Variants in UGT1A6 observed in about 807,000 individuals in gnomAD.
UGT1A6 encodes the protein UDP-glucuronosyltransferase 1A6.
A neutral mutation model predicts 44.4 loss-of-function variants in UGT1A6; 32 were observed. The ratio of observed to expected loss-of-function variants is 0.72; its 90% CI spans 0.54 to 0.97. The LOEUF is 0.97. Ranked by LOEUF, UGT1A6 falls within the 50% of genes least tolerant of loss-of-function variation. The pLI is 0.00. For missense variants in UGT1A6, 685 were observed against 661.9 expected, an observed-to-expected ratio of 1.03 and a Z score of -0.38; for synonymous variants, 238 against 248.5, an observed-to-expected ratio of 0.96 and a Z score of 0.40.
In UGT1A6 at chr2:233,692,935, A is replaced by C. The variant is rs2075120716; in HGVS notation, c.-70A>C. 6.3e-7 allele frequency: 1 copy of C among 1,587,686 alleles called. No individual in the cohort carries two copies. The highest frequency in any genetic ancestry group is 1.3e-5 in the African/African-American group (1 of 74,148). ...AAAAGCAGTGGTTAGTTTAGGGAAA[A>C]TACCTAGGAGCCCTGTGATTTGGAG... On this transcript the variant is annotated 5_prime_UTR_variant, in exon 1 of 5. Transcript: ENST00000305139.
At chr2:233,705,462 GAC>G (rs1373100771) in intron 1 of UGT1A6, among the ~76,000 whole-genome samples, 2 of 152,176 alleles carry the variant, frequency 1.3e-5, no homozygotes, top group African/African-American at 2.4e-5. Flanking sequence ...TTTTTTAGCA[GAC>G]ACACATGAGG....
chr2:233,757,798 G>T (rs1696723883), intron 1 of UGT1A6, among the ~76,000 whole-genome samples: 1 of 151,794 alleles, frequency 6.6e-6, no homozygotes, highest in Non-Finnish European at 1.5e-5. Flanking sequence ...TTGATGAAAG[G>T]AGATGAAAGG....
chr2:233,772,846 T>C lies in UGT1A6; in HGVS notation c.*287T>C, dbSNP rs1314535454. ...AGGCTGGCATTCTAGATTACTTTTCTTACTCTGAAACATGGCCTGTTTGGG... is the reference window on the plus strand; with the variant it reads ...AGGCTGGCATTCTAGATTACTTTTCCTACTCTGAAACATGGCCTGTTTGGG... On this transcript the variant is annotated 3_prime_UTR_variant, in exon 5 of 5. Transcript: ENST00000305139. 2 of 808,282 alleles carry C rather than the reference T, an allele frequency of 2.5e-6. No individual in the cohort carries two copies. Among genetic ancestry groups the C allele is most frequent in the Non-Finnish European group, 3.5e-6 (2 of 570,582 alleles). 50.1% of individuals were successfully genotyped at this position (808,282 alleles called of 1,614,324 possible). A position where few individuals can be genotyped will look rare whatever the true frequency, so the allele number is the denominator to read the frequency against.
At chr2:233,743,600 C>T in intron 1 of UGT1A6, 3 of 1,367,332 alleles carry the variant, frequency 2.2e-6, no homozygotes, top group Non-Finnish European at 2.9e-6. Flanking sequence ...TGGGTCCTGG[C>T]CGCCGAAGAA....
intron 1 of UGT1A6, among the ~76,000 whole-genome samples, chr2:233,702,670 T>C (rs1481483329): frequency 6.6e-6 from 1 of 152,212 alleles, no homozygotes; most frequent in African/African-American, 2.4e-5. Flanking sequence ...ATTCTTATCA[T>C]ACCTGAGGTG....
chr2:233,712,650 T>G (rs2076245688), intron 1 of UGT1A6, among the ~76,000 whole-genome samples: 1 of 151,870 alleles, frequency 6.6e-6, no homozygotes, highest in Admixed American at 6.5e-5. Context: ...CTGATAAACG[T>G]GGTTAAGAGA....
rs1699597581 is a variant in UGT1A6 at position 233,768,288 on chromosome 2, G to A, written c.1150G>A (p.Gly384Ser). 4 of 1,614,072 alleles carry A rather than the reference G, an allele frequency of 2.5e-6. No individual in the cohort carries two copies. Among genetic ancestry groups the A allele is most frequent in the Non-Finnish European group, 3.4e-6 (4 of 1,180,052 alleles). ...TGGTGTTTATGAAAGCATATGCAATGGCGTTCCCATGGTGATGATGCCCTT... is the reference window on the plus strand; with the variant it reads ...TGGTGTTTATGAAAGCATATGCAATAGCGTTCCCATGGTGATGATGCCCTT... ...SHGVYESICN[G>S]VPMVMMPLFG... The change falls in exon 4 of 5, where the codon GGC (glycine) becomes AGC (serine). Residue 384 changes from glycine to serine, a missense_variant. Physicochemically the swap from Gly to Ser is moderately conservative, Grantham distance 56. Transcript: ENST00000305139.
At chr2:233,763,534 C>T (rs545430015) in intron 1 of UGT1A6, among the ~76,000 whole-genome samples, 5 of 152,184 alleles carry the variant, frequency 3.3e-5, no homozygotes, top group Admixed American at 1.3e-4. Context: ...CTCCTTTTTC[C>T]GGATTTCTAC....
At chr2:233,765,047 G>T (rs1698737192) in intron 1 of UGT1A6, among the ~76,000 whole-genome samples, 1 of 151,990 alleles carries the variant, frequency 6.6e-6, no homozygotes, top group Non-Finnish European at 1.5e-5. Context: ...AATTGCGTTT[G>T]CTGAGCCCTG....
chr2:233,771,986 A>T (rs897905900), intron 4 of UGT1A6, among the ~76,000 whole-genome samples: 3 of 152,212 alleles, frequency 2.0e-5, no homozygotes, highest in African/African-American at 7.2e-5. Context: ...ATAGTGGTGC[A>T]TGACTAATTC....
intron 1 of UGT1A6, among the ~76,000 whole-genome samples, chr2:233,765,617 G>A (rs988431612): frequency 6.6e-6 from 1 of 151,904 alleles, no homozygotes; most frequent in Non-Finnish European, 1.5e-5. Flanking sequence ...GGGGTGAGGG[G>A]TGAGGGGAGG....
At chr2:233,768,527 T>C in intron 4 of UGT1A6, 88 bp downstream of exon 4, 2 of 1,515,488 alleles carry the variant, frequency 1.3e-6, no homozygotes, top group South Asian at 2.6e-5. Context: ...TAGCATTTAA[T>C]AGCGTTGTTT....
intron 1 of UGT1A6, among the ~76,000 whole-genome samples, chr2:233,726,278 A>T (rs548858738): frequency 6.6e-6 from 1 of 152,236 alleles, no homozygotes; most frequent in Non-Finnish European, 1.5e-5. Context: ...CTATGGTCCC[A>T]GGTACTTGGG....
At chr2:233,704,427 A>G (rs939279482) in intron 1 of UGT1A6, among the ~76,000 whole-genome samples, 2 of 152,100 alleles carry the variant, frequency 1.3e-5, no homozygotes, top group Non-Finnish European at 1.5e-5. Flanking sequence ...ACTTAATTCC[A>G]GTTAAATATT....
At chr2:233,729,423 G>A in intron 1 of UGT1A6, 2 of 1,613,822 alleles carry the variant, frequency 1.2e-6, no homozygotes, top group East Asian at 4.5e-5. Flanking sequence ...ACACTCAACT[G>A]TACTTTGAAA....
At chr2:233,719,425 C>G in intron 1 of UGT1A6, 1 of 1,613,998 alleles carries the variant, frequency 6.2e-7, no homozygotes, top group Non-Finnish European at 8.5e-7. Context: ...ACGACCAATT[C>G]AGACCACATG....
Position 233,768,563 on chromosome 2 carries a change from A to T in UGT1A6, c.1301+124A>T, listed in dbSNP as rs1381263592. On this transcript the variant is annotated intron_variant, in intron 4 of 4. Transcript: ENST00000305139. Reference sequence around the variant, plus strand: ...CAAATATAAAAACAAATACATAAAAATCTGGATTTTTATTTCTTCTTTTTT... The same window carrying T: ...CAAATATAAAAACAAATACATAAAATTCTGGATTTTTATTTCTTCTTTTTT... The T allele has an allele frequency of 4.1e-6, 6 of 1,456,444 alleles. No individual in the cohort carries two copies. The East Asian group carries it at 1.5e-4, about 37-fold the overall frequency. The allele number at this position is 1,456,444 out of a possible 1,614,324, so 90.2% of individuals were successfully genotyped here.
intron 1 of UGT1A6, chr2:233,760,915 G>A (rs758093591): frequency 5.6e-6 from 9 of 1,614,180 alleles, no homozygotes; most frequent in Non-Finnish European, 7.6e-6. Flanking sequence ...CCTGCAGCGG[G>A]TGAAGAACAT....
intron 1 of UGT1A6, among the ~76,000 whole-genome samples, chr2:233,735,445 G>A (rs1440470115): frequency 6.6e-6 from 1 of 152,036 alleles, no homozygotes; most frequent in Non-Finnish European, 1.5e-5. Flanking sequence ...GCATACCGAT[G>A]GGCCTTGACT....
Sources: gnomAD v4.1 joint callset for allele counts (sites outside exome capture counted in the v4.1 genomes callset) on GRCh38, gnomAD v4.1.1 for gene constraint, MANE v1.5 for transcripts, NCBI Gene and HGNC (gene_info 2026-07-23, HGNC 2026-07-21) for gene names.